Variants in KLRG1 observed in about 807,000 individuals in gnomAD.
KLRG1 encodes killer cell lectin-like receptor subfamily G member 1.
In KLRG1, 16 loss-of-function variants were observed where a neutral mutation model predicts 21.8. The observed-to-expected ratio is 0.73, with a 90% CI of 0.50 to 1.11. The LOEUF (loss-of-function observed/expected upper bound fraction) is 1.11. Among genes scored for constraint, KLRG1 ranks in the 50% most tolerant of loss-of-function variants. The probability of loss-of-function intolerance (pLI) is 0.00; values close to 1 mark genes in which losing one functional copy is unlikely to be tolerated. For missense variants in KLRG1, 173 were observed against 218.3 expected, an observed-to-expected ratio of 0.79 and a Z score of 1.31; for synonymous variants, 69 against 75.9, an observed-to-expected ratio of 0.91 and a Z score of 0.47.
chr12:9,044,971 T>G, the KLRG1 span, among the ~76,000 whole-genome samples: 1 of 152,146 alleles, frequency 6.6e-6, no homozygotes, highest in Non-Finnish European at 1.5e-5. Context: ...GAATAAAATT[T>G]TGGTGGCTGC....
chr12:9,047,625 A>G, the KLRG1 span, among the ~76,000 whole-genome samples: 1 of 152,198 alleles, frequency 6.6e-6, no homozygotes, highest in Admixed American at 6.5e-5. Flanking sequence ...TAGAGTGGAT[A>G]AGAAAACAAG....
At chr12:9,157,807 T>C in the KLRG1 span, 27 of 1,614,096 alleles carry the variant, frequency 1.7e-5, no homozygotes, top group Middle Eastern at 3.3e-4. Context: ...AATAGTAACA[T>C]AGGCGGAGAG....
intron 3 of KLRG1, among the ~76,000 whole-genome samples, chr12:9,008,308 T>C (rs1440458491): frequency 6.6e-6 from 1 of 152,200 alleles, no homozygotes; most frequent in African/African-American, 2.4e-5. Flanking sequence ...CTCCCTTTAA[T>C]TAAGGAGAAA....
At chr12:9,027,856 C>T in the KLRG1 span, 3 of 924,256 alleles carry the variant, frequency 3.2e-6, no homozygotes, top group African/African-American at 1.6e-5. Flanking sequence ...TTGTCACTCC[C>T]ACCAAAACCA....
the KLRG1 span, among the ~76,000 whole-genome samples, chr12:9,175,308 A>T: frequency 1.3e-5 from 2 of 152,248 alleles, no homozygotes; most frequent in Non-Finnish European, 2.9e-5. Flanking sequence ...TACAAAAATT[A>T]ACTCAAGATG....
the KLRG1 span, chr12:9,058,061 TATATTA>T: frequency 1.3e-5 from 2 of 152,218 alleles, no homozygotes; most frequent in African/African-American, 4.8e-5. Context: ...TGACTCTATC[TATATTA>T]ATATTAATAT....
the KLRG1 span, among the ~76,000 whole-genome samples, chr12:9,083,695 G>A: frequency 2.5e-4 from 37 of 145,596 alleles, no homozygotes; most frequent in Admixed American, 3.4e-4. Flanking sequence ...TCCAGAAGAA[G>A]AAGAAAGAGA....
the KLRG1 span, chr12:9,069,848 A>G: frequency 6.3e-7 from 1 of 1,597,652 alleles, no homozygotes; most frequent in Non-Finnish European, 8.6e-7. Flanking sequence ...ATGTTAATAA[A>G]TAGATGAAAC....
chr12:9,169,088 G>A, the KLRG1 span: 36 of 692,648 alleles, frequency 5.2e-5, no homozygotes, highest in African/African-American at 2.4e-4. Flanking sequence ...ATTCTATGGC[G>A]AAACACTTGA....
intron 1 of KLRG1, among the ~76,000 whole-genome samples, chr12:8,952,417 C>T (rs978300701): frequency 1.3e-5 from 2 of 152,196 alleles, no homozygotes; most frequent in African/African-American, 2.4e-5. Context: ...GTCTTGAACT[C>T]CTAAACTCAA....
At chr12:9,192,367 C>T in the KLRG1 span, 1 of 1,298,470 alleles carries the variant, frequency 7.7e-7, no homozygotes, top group Non-Finnish European at 1.1e-6. Flanking sequence ...AGAGAATCAA[C>T]CTCAAGAAAA....
At chr12:9,013,990 G>A (rs770321486), downstream of KLRG1, among the ~76,000 whole-genome samples, 1 of 152,090 alleles carries the variant, frequency 6.6e-6, no homozygotes, top group Non-Finnish European at 1.5e-5. Context: ...ATGCATCAGA[G>A]TCTCTCAACA....
At chr12:9,070,528 A>G in the KLRG1 span, 2 of 1,613,926 alleles carry the variant, frequency 1.2e-6, no homozygotes, top group Non-Finnish European at 1.7e-6. Context: ...GCCAGAGACC[A>G]TCTTCACATC....
At chr12:9,181,016 G>A in the KLRG1 span, 2 of 1,614,074 alleles carry the variant, frequency 1.2e-6, no homozygotes, top group Non-Finnish European at 1.7e-6. Flanking sequence ...CAGGCTTCAT[G>A]AGCAGCACAC....
intron 1 of KLRG1, among the ~76,000 whole-genome samples, chr12:8,969,034 T>A (rs1946525154): frequency 6.6e-6 from 1 of 152,208 alleles, no homozygotes; most frequent in South Asian, 2.1e-4. Context: ...CAGAGTGAAG[T>A]TTATCCTCAA....
At chr12:8,974,906 C>A (rs11048358) in intron 1 of KLRG1, among the ~76,000 whole-genome samples, 8 of 150,486 alleles carry the variant, frequency 5.3e-5, no homozygotes, top group Admixed American at 1.3e-4. Flanking sequence ...TCTTCTTCTT[C>A]TTTTTTTGAG....
chr12:9,104,881 C>T, the KLRG1 span, among the ~76,000 whole-genome samples: 1 of 152,142 alleles, frequency 6.6e-6, no homozygotes, highest in African/African-American at 2.4e-5. Context: ...AGATTAGTGT[C>T]TGAAGTCTCA....
At chr12:9,067,952 G>C in the KLRG1 span, 2 of 1,098,576 alleles carry the variant, frequency 1.8e-6, no homozygotes, top group Admixed American at 2.0e-5. Flanking sequence ...AATCAGTACA[G>C]TGGGAAACCA....
chr12:9,164,091 G>A, the KLRG1 span: 69 of 1,573,614 alleles, frequency 4.4e-5, no homozygotes, highest in Middle Eastern at 1.7e-4. Flanking sequence ...GACAGCCACC[G>A]TCCTTGTTGA....
Sources: gnomAD v4.1 joint callset for allele counts (sites outside exome capture counted in the v4.1 genomes callset) on GRCh38, gnomAD v4.1.1 for gene constraint, MANE v1.5 for transcripts, NCBI Gene and HGNC (gene_info 2026-07-23, HGNC 2026-07-21) for gene names.